LIMCH1: variants seen among roughly 807,000 people sequenced by gnomAD.
LIMCH1 encodes LIM and calponin homology domains 1.
Under a neutral mutation model 176.5 loss-of-function variants are expected in LIMCH1, and 113 were observed. The ratio of observed to expected loss-of-function variants is 0.64; its 90% CI spans 0.55 to 0.75. The LOEUF (loss-of-function observed/expected upper bound fraction) is 0.75. Ranked by LOEUF, LIMCH1 falls within the 30% of genes least tolerant of loss-of-function variation. The pLI, the probability that LIMCH1 is intolerant of heterozygous loss-of-function variation, is 0.00. For missense variants in LIMCH1, 1,674 were observed against 1,814.9 expected (o/e 0.92, Z 1.41); for synonymous variants, 619 against 645.9 (o/e 0.96, Z 0.63).
chr4:41,426,104 T>C (rs558457477), intron 1 of LIMCH1, among the ~76,000 whole-genome samples: 4,336 of 145,916 alleles, frequency 0.03, 215 homozygotes, highest in African/African-American at 0.1. Context: ...TCACTGCAAG[T>C]TCCGCCTCCC....
At chr4:41,627,301 G>A (rs1161883503) in intron 8 of LIMCH1, among the ~76,000 whole-genome samples, 1 of 152,064 alleles carries the variant, frequency 6.6e-6, no homozygotes, top group African/African-American at 2.4e-5. Context: ...CTGAATCAGG[G>A]CTCATCACCA....
At chr4:41,359,648 C>T (rs191023787), upstream of LIMCH1, 1 of 152,266 alleles carries the variant, frequency 6.6e-6, no homozygotes, top group East Asian at 1.9e-4. Flanking sequence ...CTTTACCATA[C>T]CTAGGCCTGG....
At chr4:41,424,648 A>G (rs895782460) in intron 1 of LIMCH1, among the ~76,000 whole-genome samples, 1 of 152,226 alleles carries the variant, frequency 6.6e-6, no homozygotes, top group Non-Finnish European at 1.5e-5. Context: ...ATGCAGCTGC[A>G]AGTCAGTTCA....
intron 17 of LIMCH1, 53 bp from the exon 18 acceptor site, chr4:41,650,340 G>A: frequency 7.8e-7 from 1 of 1,289,888 alleles, no homozygotes; most frequent in African/African-American, 1.5e-5. Context: ...TTTTGTTACA[G>A]TCTTTGATTG....
At chr4:41,460,833 A>C (rs2065269089) in intron 1 of LIMCH1, among the ~76,000 whole-genome samples, 1 of 152,144 alleles carries the variant, frequency 6.6e-6, no homozygotes. Context: ...AGCGCCATGC[A>C]TGCTGGCAAG....
intron 1 of LIMCH1, among the ~76,000 whole-genome samples, chr4:41,482,008 G>T (rs1373446380): frequency 6.6e-6 from 1 of 152,100 alleles, no homozygotes; most frequent in Admixed American, 6.5e-5. Flanking sequence ...GTACCACCAT[G>T]GCTGGCTAAT....
intron 1 of LIMCH1, among the ~76,000 whole-genome samples, chr4:41,362,720 C>T (rs1057027895): frequency 3.9e-5 from 6 of 152,136 alleles, no homozygotes; most frequent in Admixed American, 3.9e-4. Context: ...ACTATAGCCC[C>T]CACCTAAATC....
At chr4:41,531,434 A>G (rs1374280008) in intron 3 of LIMCH1, among the ~76,000 whole-genome samples, 1 of 150,814 alleles carries the variant, frequency 6.6e-6, no homozygotes, top group African/African-American at 2.4e-5. Flanking sequence ...AGAATTACCT[A>G]AAATGCCCTC....
chr4:41,632,059 G>A (rs2093355039), intron 10 of LIMCH1, among the ~76,000 whole-genome samples: 1 of 152,160 alleles, frequency 6.6e-6, no homozygotes, highest in Admixed American at 6.5e-5. Flanking sequence ...ATGTGTGAGG[G>A]AAGAACACCT....
intron 21 of LIMCH1, among the ~76,000 whole-genome samples, 157 bp from the exon 22 acceptor site, chr4:41,671,397 A>AACACACACACACACACAC (rs141018823): frequency 1.2e-4 from 17 of 137,584 alleles, no homozygotes; most frequent in African/African-American, 3.5e-4. Context: ...TGACTTACCA[A>AACACACACACACACACAC]ACACACACAC....
At chr4:41,455,731 T>C (rs1362305035) in intron 1 of LIMCH1, among the ~76,000 whole-genome samples, 1 of 152,240 alleles carries the variant, frequency 6.6e-6, no homozygotes, top group Non-Finnish European at 1.5e-5. Flanking sequence ...CAAGTTAATT[T>C]AATGTTTTGA....
At chr4:41,366,058 C>G (rs2052920125) in intron 1 of LIMCH1, among the ~76,000 whole-genome samples, 1 of 152,162 alleles carries the variant, frequency 6.6e-6, no homozygotes, top group African/African-American at 2.4e-5. Flanking sequence ...CTAGGTGGGA[C>G]TAGGCAGCTC....
At chr4:41,550,302 T>G (rs1326605635) in intron 1 of LIMCH1, among the ~76,000 whole-genome samples, 2 of 151,624 alleles carry the variant, frequency 1.3e-5, no homozygotes, top group Admixed American at 1.3e-4. Context: ...ATGTGGCAGG[T>G]GATCAATTAA....
At chr4:41,670,362 T>G (rs2094971256) in intron 21 of LIMCH1, among the ~76,000 whole-genome samples, 1 of 152,228 alleles carries the variant, frequency 6.6e-6, no homozygotes, top group Admixed American at 6.5e-5. Context: ...TTTATACTTT[T>G]CTAGTGTTCT....
At chr4:41,500,585 T>C (rs2073093391) in intron 2 of LIMCH1, among the ~76,000 whole-genome samples, 1 of 152,224 alleles carries the variant, frequency 6.6e-6, no homozygotes, top group Admixed American at 6.5e-5. Context: ...AGGTAGATGG[T>C]TCATATTTCT....
intron 8 of LIMCH1, 121 bp downstream of exon 8, chr4:41,627,131 C>T: frequency 7.7e-7 from 1 of 1,294,494 alleles, no homozygotes; most frequent in Non-Finnish European, 1.0e-6. Flanking sequence ...TTCCTCTTTC[C>T]AGCCTCTCAA....
rs138539752 is a variant in LIMCH1, at chr4:41,544,548, C to T, written c.-241+6198C>T. On this transcript the variant is annotated intron_variant, in intron 1 of 31. Coordinates refer to ENST00000503057, the MANE Select transcript of LIMCH1 (RefSeq NM_001330672.2). Reference sequence around the variant, plus strand: ...GAAGCCTCCAGGTGCCCAGTGGTTCCCTAATTATTCCATTACCTAGTTACC... The same window carrying T: ...GAAGCCTCCAGGTGCCCAGTGGTTCTCTAATTATTCCATTACCTAGTTACC... Among the ~76,000 whole-genome samples, 262 of 152,198 alleles carry T rather than the reference C, an allele frequency of 1.7e-3. 2 individuals are homozygous for T. The highest frequency in any genetic ancestry group is 6.0e-3 in the African/African-American group (251 of 41,532).
At chr4:41,675,831 G>A (rs1018149673) in intron 22 of LIMCH1, among the ~76,000 whole-genome samples, 21 of 152,296 alleles carry the variant, frequency 1.4e-4, no homozygotes, top group African/African-American at 4.1e-4. Context: ...TGTGTCATGC[G>A]GGCCCCAGGG....
Position 41,419,772 on chromosome 4 carries a change from T to C in LIMCH1, c.96+58836T>C, listed in dbSNP as rs2060452224. Among the ~76,000 whole-genome samples the C allele has an allele frequency of 2.0e-5, 3 of 147,540 alleles. No individual in the cohort carries two copies. In the South Asian group the frequency reaches 6.6e-4, roughly 33 times the overall value. On this transcript the variant is annotated intron_variant, in intron 1 of 26. Transcript: ENST00000313860. ...TTTTCTTCCTTCCTGCCCTTTTCCC[T>C]CCTCTCCTTCCTTTCTTCCTCTCTG...
Sources: allele counts gnomAD v4.1 joint callset (sites outside exome capture counted in the v4.1 genomes callset), GRCh38; gene constraint gnomAD v4.1.1; transcripts MANE v1.5; gene names NCBI Gene and HGNC (gene_info 2026-07-23, HGNC 2026-07-21).